MET: variants seen among roughly 807,000 people sequenced by gnomAD.
The protein encoded by MET is MET proto-oncogene, receptor tyrosine kinase, also known as hepatocyte growth factor receptor.
A neutral mutation model predicts 133.1 loss-of-function variants in MET; 48 were observed. The observed-to-expected ratio is 0.36, with a 90% confidence interval of 0.29 to 0.46. MET has a LOEUF of 0.46. Among genes scored for constraint, MET ranks in the 20% least tolerant of loss-of-function variants. The pLI, the probability that MET is intolerant of heterozygous loss-of-function variation, is 1.00. For synonymous variants in MET, 628 were observed against 616.5 expected (o/e 1.02, Z -0.28); for missense variants, 1,442 against 1,695.9 (o/e 0.85, Z 2.63).
intron 1 of MET, among the ~76,000 whole-genome samples, chr7:116,677,003 TTTTTGTTTTG>T (rs796135481): frequency 1.1e-4 from 17 of 151,858 alleles, no homozygotes; most frequent in South Asian, 4.2e-4. Context: ...TTTTTTTGTT[TTTTTGTTTTG>T]TTTTGTTTTG....
intron 1 of MET, among the ~76,000 whole-genome samples, chr7:116,677,134 G>GTTGACA (rs1796190792): frequency 6.6e-6 from 1 of 151,950 alleles, no homozygotes; most frequent in Admixed American, 6.6e-5. Flanking sequence ...CTGTCACAGT[G>GTTGACA]GGATTTGTTG....
At chr7:116,685,754 A>G (rs1796528897) in intron 1 of MET, among the ~76,000 whole-genome samples, 1 of 152,106 alleles carries the variant, frequency 6.6e-6, no homozygotes, top group Non-Finnish European at 1.5e-5. Context: ...ATATCCTACA[A>G]ACATGCTTCA....
chr7:116,777,292 G>A (rs1795023734), intron 15 of MET, 97 bp from the exon 16 acceptor site: 1 of 1,044,008 alleles, frequency 9.6e-7, no homozygotes, highest in African/African-American at 1.6e-5. Flanking sequence ...TGTATAGAAA[G>A]AAGAAAGAAT....
In MET at chr7:116,774,847, T is replaced by A; in HGVS notation, c.3029-34T>A. ...CAGTCCCCATTAAATGAGGTTTTAC[T>A]GTTGTTCTTTAATAATTTTCCTTCA... On this transcript the variant is annotated intron_variant, in intron 14 of 20. Coordinates refer to ENST00000397752, the MANE Select transcript of MET (RefSeq NM_000245.4). 3 of 1,533,922 alleles carry A rather than the reference T, an allele frequency of 2.0e-6. No individual in the cohort carries two copies. The South Asian group carries it at 3.4e-5, about 17-fold the overall frequency.
In MET at chr7:116,798,096, G is replaced by A; in HGVS notation, c.*1972G>A. 4.5e-6 allele frequency: 1 copy of A among 221,594 alleles called. No individual in the cohort carries two copies. The allele number at this position is 221,594 out of a possible 1,614,324, so 13.7% of individuals were successfully genotyped here. A position where few individuals can be genotyped will look rare whatever the true frequency, so the allele number is the denominator to read the frequency against. ...GGAAAGAAAGAACTGTCTCTACCAGGGTCAAGAGCATGAACGCATCAATAG... is the reference window on the plus strand; with the variant it reads ...GGAAAGAAAGAACTGTCTCTACCAGAGTCAAGAGCATGAACGCATCAATAG... On this transcript the variant is annotated 3_prime_UTR_variant, in exon 21 of 21. Coordinates refer to ENST00000397752, the MANE Select transcript of MET (RefSeq NM_000245.4).
At chr7:116,716,489 GAAAGAA>G (rs1391113855) in intron 2 of MET, among the ~76,000 whole-genome samples, 1 of 142,042 alleles carries the variant, frequency 7.0e-6, no homozygotes, top group Non-Finnish European at 1.5e-5. Context: ...AAGAAAGAAA[GAAAGAA>G]AGAAAGAAAG....
chr7:116,771,973 A>T lies in MET; in HGVS notation c.3012A>T (p.Arg1004=), dbSNP rs2116997571. 1 of 1,613,842 alleles carries T rather than the reference A, an allele frequency of 6.2e-7. No homozygotes were observed. The highest frequency in any genetic ancestry group is 8.5e-7 in the Non-Finnish European group (1 of 1,179,792). Residue 1004 remains arginine, a synonymous_variant, in exon 14 of 21, where the codon CGA becomes CGT. Coordinates refer to ENST00000397752, the MANE Select transcript of MET (RefSeq NM_000245.4). ...EMVSNESVDY[R]ATFPEDQFPN... ...TTTCAAATGAATCTGTAGACTACCG[A>T]GCTACTTTTCCAGAAGGTATATTTC...
At chr7:116,688,036 G>T (rs901619953) in intron 1 of MET, among the ~76,000 whole-genome samples, 1 of 152,180 alleles carries the variant, frequency 6.6e-6, no homozygotes, top group Non-Finnish European at 1.5e-5. Flanking sequence ...ATAGTTCCTC[G>T]TTTGGAATTG....
At chr7:116,783,264 C>T (rs1795205130) in intron 18 of MET, 40 bp from the exon 19 acceptor site, 2 of 1,611,610 alleles carry the variant, frequency 1.2e-6, no homozygotes, top group Non-Finnish European at 1.7e-6. Flanking sequence ...GTAAATTATT[C>T]TATTTCAGCC....
chr7:116,782,409 T>C (rs1017698232), intron 18 of MET, among the ~76,000 whole-genome samples: 1 of 152,212 alleles, frequency 6.6e-6, no homozygotes, highest in African/African-American at 2.4e-5. Flanking sequence ...GGAGGGAGAA[T>C]TTGATCTTCA....
intron 11 of MET, among the ~76,000 whole-genome samples, chr7:116,764,011 G>A (rs1794512993): frequency 2.0e-5 from 3 of 152,126 alleles, no homozygotes; most frequent in African/African-American, 4.8e-5. Flanking sequence ...CCTTCAACAT[G>A]TTGTTAAAAC....
At chr7:116,716,470 A>AAAG (rs1317401028) in intron 2 of MET, among the ~76,000 whole-genome samples, 2 of 20,120 alleles carry the variant, frequency 9.9e-5, no homozygotes, top group African/African-American at 5.1e-4. Flanking sequence ...AAAGAAAGAG[A>AAAG]AAGAAAGAAA....
At chr7:116,698,922 A>G (rs1797058820) in intron 1 of MET, 149 bp from the exon 2 acceptor site, 19 of 1,051,438 alleles carry the variant, frequency 1.8e-5, no homozygotes, top group Non-Finnish European at 2.5e-5. Flanking sequence ...ATGCATCTTT[A>G]TGTGAAACTT....
At chr7:116,704,220 T>C (rs1193393702) in intron 2 of MET, among the ~76,000 whole-genome samples, 3 of 151,990 alleles carry the variant, frequency 2.0e-5, no homozygotes, top group Non-Finnish European at 4.4e-5. Flanking sequence ...ATAATATATA[T>C]GAGGTACCTG....
At chr7:116,785,834 A>G (rs955540411) in intron 19 of MET, among the ~76,000 whole-genome samples, 1 of 152,268 alleles carries the variant, frequency 6.6e-6, no homozygotes, top group South Asian at 2.1e-4. Flanking sequence ...ATATATGCTC[A>G]TGCAATAACA....
intron 16 of MET, 68 bp from the exon 17 acceptor site, chr7:116,778,708 A>G: frequency 6.6e-7 from 1 of 1,515,118 alleles, no homozygotes; most frequent in Non-Finnish European, 9.1e-7. Flanking sequence ...TGCTCTTCCT[A>G]TCTAAATTTG....
chr7:116,728,402 T>G (rs1792876053), intron 2 of MET, among the ~76,000 whole-genome samples: 1 of 152,170 alleles, frequency 6.6e-6, no homozygotes, highest in South Asian at 2.1e-4. Flanking sequence ...AGACTTGAAG[T>G]GTGCAATATA....
chr7:116,777,196 G>A (rs535535214), intron 15 of MET, among the ~76,000 whole-genome samples, 193 bp from the exon 16 acceptor site: 1 of 152,146 alleles, frequency 6.6e-6, no homozygotes, highest in South Asian at 2.1e-4. Flanking sequence ...TGGGTGAAAT[G>A]TGTTGCATCT....
In MET at chr7:116,693,949, G is replaced by A. The variant is rs979804757; in HGVS notation, c.-14-5122G>A. On this transcript the variant is annotated intron_variant, in intron 1 of 20. Transcript: ENST00000397752. The stretch of plus-strand genomic sequence containing the variant: ...CAAGTGAGGTAGGTACTATAATCCT[G>A]CCCATATTTTAGATGAGAAAATACA... 2.0e-5 allele frequency among the ~76,000 whole-genome samples: 3 copies of A among 152,122 alleles called. No homozygotes were observed. In the South Asian group the frequency reaches 6.2e-4, roughly 32 times the overall value.
Sources: gnomAD v4.1 joint callset for allele counts (sites outside exome capture counted in the v4.1 genomes callset) on GRCh38, gnomAD v4.1.1 for gene constraint, MANE v1.5 for transcripts, NCBI Gene and HGNC (gene_info 2026-07-23, HGNC 2026-07-21) for gene names.